The following PIP4K2C variants were observed in gnomAD, a reference collection of about 807,000 sequenced individuals.
PIP4K2C encodes the protein phosphatidylinositol-5-phosphate 4-kinase type 2 gamma, also known as phosphatidylinositol 5-phosphate 4-kinase type-2 gamma.
In PIP4K2C, 21 loss-of-function variants were observed where a neutral mutation model predicts 45.0. The observed-to-expected ratio is 0.47, with a 90% CI of 0.33 to 0.67. PIP4K2C has a LOEUF of 0.67. Among genes scored for constraint, PIP4K2C ranks in the 30% least tolerant of loss-of-function variants. PIP4K2C has a pLI of 0.02. For synonymous variants in PIP4K2C, 201 were observed against 204.8 expected, an observed-to-expected ratio of 0.98 and a Z score of 0.16; for missense variants, 456 against 542.8, an observed-to-expected ratio of 0.84 and a Z score of 1.59.
intron 1 of PIP4K2C, among the ~76,000 whole-genome samples, chr12:57,592,155 CAA>C (rs1181690615): frequency 1.3e-5 from 2 of 152,214 alleles, no homozygotes; most frequent in Non-Finnish European, 2.9e-5. Flanking sequence ...GATTGTTGAC[CAA>C]AGAGAAGGCT....
chr12:57,594,742 G>T (rs369071597), intron 2 of PIP4K2C, among the ~76,000 whole-genome samples: 8 of 152,290 alleles, frequency 5.3e-5, no homozygotes, highest in African/African-American at 1.7e-4. Context: ...GGCCAAGGCG[G>T]GTGGATCACT....
intron 8 of PIP4K2C, 24 bp downstream of exon 8, chr12:57,601,102 G>C (rs766661667): frequency 6.2e-7 from 1 of 1,608,432 alleles, no homozygotes; most frequent in Non-Finnish European, 8.5e-7. Context: ...GACAATTTAA[G>C]GGTGGAGAGG....
chr12:57,601,446 G>A (rs1883434175), intron 9 of PIP4K2C, 80 bp from the exon 10 acceptor site: 14 of 1,527,170 alleles, frequency 9.2e-6, no homozygotes, highest in African/African-American at 2.7e-5. Flanking sequence ...GAATGGAGGT[G>A]GTCTGGGGTA....
intron 3 of PIP4K2C, among the ~76,000 whole-genome samples, chr12:57,595,588 C>T (rs1457327110): frequency 3.3e-5 from 5 of 151,390 alleles, no homozygotes; most frequent in Admixed American, 2.0e-4. Flanking sequence ...GTCTAGTCCC[C>T]GCTACTTGGG....
chr12:57,599,423 C>T lies in PIP4K2C; in HGVS notation c.684C>T (p.Ala228=). 6.2e-7 allele frequency: 1 copy of T among 1,613,984 alleles called. No homozygotes were observed. Among genetic ancestry groups the T allele is most frequent in the Non-Finnish European group, 8.5e-7 (1 of 1,180,002 alleles). Residue 228 remains alanine, a synonymous_variant, in exon 6 of 10, where the codon GCC becomes GCT. Coordinates refer to ENST00000354947, the MANE Select transcript of PIP4K2C (RefSeq NM_024779.5). ...AGGGTTCCCTAGTGTCCCGGGAAGC[C>T]AGCGATAAGGAAAAGGTGATAGTAA... ...DLKGSLVSRE[A]SDKEKVKELP... is the part of the protein sequence containing the mutation.
At position 57,601,748 on chromosome 12, in the gene PIP4K2C, C is replaced by T; in HGVS notation, c.*142C>T. 4.2e-6 allele frequency: 3 copies of T among 718,120 alleles called. No homozygotes were observed. The South Asian group carries it at 4.9e-5, about 12-fold the overall frequency. 44.5% of individuals were successfully genotyped at this position (718,120 alleles called of 1,614,324 possible). On this transcript the variant is annotated 3_prime_UTR_variant, in exon 10 of 10. Coordinates refer to ENST00000354947, the MANE Select transcript of PIP4K2C (RefSeq NM_024779.5). ...GCTCCTTCCATCCAGATAACTCCATCCTGTCGAGTAGGCTCTTTCTGACCC... is the reference window on the plus strand; with the variant it reads ...GCTCCTTCCATCCAGATAACTCCATTCTGTCGAGTAGGCTCTTTCTGACCC...
At chr12:57,595,336 T>G in intron 3 of PIP4K2C, 114 bp downstream of exon 3, 1 of 737,092 alleles carries the variant, frequency 1.4e-6, no homozygotes, top group Non-Finnish European at 2.4e-6. Context: ...ATTCTTTACC[T>G]TTTTGTGATT....
Position 57,595,110 on chromosome 12 carries a change from A to G in PIP4K2C, c.273-16A>G. 6.5e-7 allele frequency: 1 copy of G among 1,528,978 alleles called. No homozygotes were observed. Among genetic ancestry groups the G allele is most frequent in the Non-Finnish European group, 9.1e-7 (1 of 1,102,620 alleles). The allele number at this position is 1,528,978 out of a possible 1,614,324, so 94.7% of individuals were successfully genotyped here. ...TAATATTGTTTGTTTTCTTACTTTGAAAACCTGAATTTCAGGGAAAATCTG... is the reference window on the plus strand; with the variant it reads ...TAATATTGTTTGTTTTCTTACTTTGGAAACCTGAATTTCAGGGAAAATCTG... On this transcript the variant is annotated splice_polypyrimidine_tract_variant and intron_variant, in intron 2 of 9. Coordinates refer to ENST00000354947, the MANE Select transcript of PIP4K2C (RefSeq NM_024779.5).
In PIP4K2C at chr12:57,591,218, C is replaced by G. The variant is rs1347265770; in HGVS notation, c.-72C>G. 2 of 1,482,614 alleles carry G rather than the reference C, an allele frequency of 1.3e-6. No homozygotes were observed. Among genetic ancestry groups the G allele is most frequent in the Non-Finnish European group, 9.1e-7 (1 of 1,094,574 alleles). 91.8% of individuals were successfully genotyped at this position (1,482,614 alleles called of 1,614,324 possible). ...GTCACGTGACAGCAGCGCAGGTGAG[C>G]GCCGCTTCCGGGGTCGGGCGCCTGG... On this transcript the variant is annotated 5_prime_UTR_variant, in exon 1 of 10. Coordinates refer to ENST00000354947, the MANE Select transcript of PIP4K2C (RefSeq NM_024779.5).
intron 7 of PIP4K2C, 68 bp from the exon 8 acceptor site, chr12:57,600,743 C>G: frequency 1.3e-6 from 2 of 1,578,184 alleles, no homozygotes; most frequent in East Asian, 2.2e-5. Context: ...TTCAAAGGTA[C>G]AGGTACAGGG....
At position 57,599,089 on chromosome 12, in the gene PIP4K2C, A is replaced by G; in HGVS notation, c.538A>G (p.Thr180Ala). The change falls in exon 5 of 10, where the codon ACG becomes GCG. Residue 180 changes from threonine (T) to alanine (A), a missense_variant. Thr to Ala is a moderately conservative substitution (Grantham distance 58). Coordinates refer to ENST00000354947, the MANE Select transcript of PIP4K2C (RefSeq NM_024779.5). ...GTACATTGTGAAGTGCCATGGCAACACGCTTCTGCCCCAGTTCCTGGGGAT... is the reference window on the plus strand; with the variant it reads ...GTACATTGTGAAGTGCCATGGCAACGCGCTTCTGCCCCAGTTCCTGGGGAT... ...HQYIVKCHGN[T>A]LLPQFLGMYR... 6.2e-7 allele frequency: 1 copy of G among 1,614,170 alleles called. No homozygotes were observed. Among genetic ancestry groups the G allele is most frequent in the Non-Finnish European group, 8.5e-7 (1 of 1,180,028 alleles).
rs1883460589 is a variant in PIP4K2C at position 57,601,944 on chromosome 12, T to G, written c.*338T>G. 3.3e-6 allele frequency: 1 copy of G among 301,428 alleles called. No homozygotes were observed. Among genetic ancestry groups the G allele is most frequent in the Non-Finnish European group, 6.3e-6 (1 of 158,014 alleles). 18.7% of individuals were successfully genotyped at this position (301,428 alleles called of 1,614,324 possible). A position where few individuals can be genotyped will look rare whatever the true frequency, so the allele number is the denominator to read the frequency against. On this transcript the variant is annotated 3_prime_UTR_variant, in exon 10 of 10. Coordinates refer to ENST00000354947, the MANE Select transcript of PIP4K2C (RefSeq NM_024779.5). The stretch of plus-strand genomic sequence containing the variant: ...GATATAGGAGCTAGGGGAAGGGGGT[T>G]GTTTGCCTTCTTCAGGACCTGACTG...
chr12:57,600,795 T>C lies in PIP4K2C; in HGVS notation c.814-16T>C. 1 of 1,613,612 alleles carries C rather than the reference T, an allele frequency of 6.2e-7. No homozygotes were observed. On this transcript the variant is annotated splice_polypyrimidine_tract_variant and intron_variant, in intron 7 of 9. Coordinates refer to ENST00000354947, the MANE Select transcript of PIP4K2C (RefSeq NM_024779.5). ...AAGAGTGAGAGAGAGGTGTCTGATT[T>C]GTCAGTGGGTCTCAGTTTCTAGTGC...
intron 4 of PIP4K2C, among the ~76,000 whole-genome samples, chr12:57,596,276 G>A (rs1330442939): frequency 3.9e-5 from 6 of 151,902 alleles, no homozygotes; most frequent in Non-Finnish European, 7.4e-5. Flanking sequence ...ACCTGAGGTC[G>A]GGAGTTCGAG....
At position 57,597,365 on chromosome 12, in the gene PIP4K2C, G is replaced by A. The variant is rs534138704; in HGVS notation, c.513+1334G>A. On this transcript the variant is annotated intron_variant, in intron 4 of 9. Transcript: ENST00000354947. The stretch of plus-strand genomic sequence containing the variant: ...AGAGTTAAGACACAGGGGCCTCCAA[G>A]TTCCTGGTTAGGGATAACTGGGTGC... Among the ~76,000 whole-genome samples, 134 of 152,292 alleles carry A rather than the reference G, an allele frequency of 8.8e-4. 3 individuals carry two copies. Among genetic ancestry groups the A allele is most frequent in the Admixed American group, 8.1e-3 (124 of 15,296 alleles).
rs769976546 is a variant in PIP4K2C at position 57,594,053 on chromosome 12, C to G, written c.203C>G (p.Pro68Arg). The G allele has an allele frequency of 1.2e-6, 2 of 1,613,862 alleles. No individual in the cohort carries two copies. The highest frequency in any genetic ancestry group is 1.7e-6 in the Non-Finnish European group (2 of 1,179,996). The change falls in exon 2 of 10, where the codon CCG (proline) becomes CGG (arginine). Residue 68 changes from proline to arginine, a missense_variant. This residue lies in a region of PIP4K2C where 421 missense variants were observed against 473.1 expected (regional missense o/e 0.89). Transcript: ENST00000354947. ...SINELSQVPP[P>R]VMLLPDDFKA... ...AATGAGCTCAGCCAGGTGCCTCCCC[C>G]GGTGATGCTGCTGCCAGATGACTTT...
chr12:57,600,702 A>G lies in PIP4K2C; in HGVS notation c.814-109A>G, dbSNP rs1414837078. On this transcript the variant is annotated intron_variant, in intron 7 of 9. Coordinates refer to ENST00000354947, the MANE Select transcript of PIP4K2C (RefSeq NM_024779.5). ...GGTATGCCCTGCAACCTCAATTTTTATACTTCCTTTCCCCAGAAGGGCCCC... is the reference window on the plus strand; with the variant it reads ...GGTATGCCCTGCAACCTCAATTTTTGTACTTCCTTTCCCCAGAAGGGCCCC... 6 of 1,402,348 alleles carry G rather than the reference A, an allele frequency of 4.3e-6. No individual in the cohort carries two copies. In the Admixed American group the frequency reaches 1.1e-4, roughly 26 times the overall value. 86.9% of individuals were successfully genotyped at this position (1,402,348 alleles called of 1,614,324 possible).
chr12:57,603,201 ATC>A lies in PIP4K2C; in HGVS notation c.*1598_*1599del, dbSNP rs1337055828. On this transcript the variant is annotated 3_prime_UTR_variant, in exon 10 of 10. Transcript: ENST00000354947. Reference sequence around the variant, plus strand: ...CTGATGGATCTTTTTCATTCCAACCATCTCCCTTTCCCCCGATGAATGCAATA... The same window carrying A: ...CTGATGGATCTTTTTCATTCCAACCATCCCTTTCCCCCGATGAATGCAATA... 1 of 152,576 alleles carries A rather than the reference ATC, an allele frequency of 6.6e-6. No homozygotes were observed. The highest frequency in any genetic ancestry group is 2.4e-5 in the African/African-American group (1 of 41,422). 9.5% of individuals were successfully genotyped at this position (152,576 alleles called of 1,614,324 possible). A position where few individuals can be genotyped will look rare whatever the true frequency, so the allele number is the denominator to read the frequency against.
chr12:57,591,686 T>TC (rs1162177310), intron 1 of PIP4K2C, among the ~76,000 whole-genome samples: 2 of 152,124 alleles, frequency 1.3e-5, no homozygotes, highest in Non-Finnish European at 2.9e-5. Flanking sequence ...AGTTCCACCT[T>TC]CCCCCCGTGA....
Sources: gnomAD v4.1 joint callset for allele counts (sites outside exome capture counted in the v4.1 genomes callset) on GRCh38, gnomAD v4.1.1 for gene constraint, gnomAD v4.1.1 regional missense constraint, MANE v1.5 for transcripts, NCBI Gene and HGNC (gene_info 2026-07-23, HGNC 2026-07-21) for gene names.